Variants in TESPA1 observed in about 807,000 individuals in gnomAD.
TESPA1 encodes protein TESPA1.
A neutral mutation model predicts 57.9 loss-of-function variants in TESPA1; 33 were observed. The ratio of observed to expected loss-of-function variants is 0.57; its 90% confidence interval spans 0.43 to 0.76. The LOEUF (loss-of-function observed/expected upper bound fraction) is 0.76. TESPA1 is among the 30% of genes least tolerant of loss of function. The pLI is 0.00. For missense variants in TESPA1, 618 were observed against 632.9 expected (o/e 0.98, Z 0.25); for synonymous variants, 227 against 228.9 (o/e 0.99, Z 0.07).
At chr12:54,981,811 A>G (rs1952334461) in intron 1 of TESPA1, 2 of 152,290 alleles carry the variant, frequency 1.3e-5, no homozygotes, top group African/African-American at 4.8e-5. Flanking sequence ...CTTCCTTTAT[A>G]TCATACAGCC....
chr12:54,971,058 C>T (rs550835611), intron 3 of TESPA1, among the ~76,000 whole-genome samples: 2 of 152,272 alleles, frequency 1.3e-5, no homozygotes, highest in East Asian at 3.9e-4. Flanking sequence ...AATAGTCGGC[C>T]GCTAGATTCA....
At position 54,965,166 on chromosome 12, in the gene TESPA1, G is replaced by A. The variant is rs115486485; in HGVS notation, c.446+887C>T. Among the ~76,000 whole-genome samples the A allele has an allele frequency of 5.4e-3, 816 of 152,174 alleles. 9 individuals are homozygous for A. The highest frequency in any genetic ancestry group is 0.019 in the African/African-American group (781 of 41,512). ...GCTCCTGGGATCAAGCTATTTGTCCGCTTCATCTTTTCTTTTTTTATTTTC... is the reference window on the plus strand; with the variant it reads ...GCTCCTGGGATCAAGCTATTTGTCCACTTCATCTTTTCTTTTTTTATTTTC... On this transcript the variant is annotated intron_variant, in intron 7 of 10. Transcript: ENST00000449076.
Position 54,983,557 on chromosome 12 carries a change from C to T in TESPA1, c.-46+1028G>A, listed in dbSNP as rs545120924. On this transcript the variant is annotated intron_variant, in intron 1 of 10. Coordinates refer to ENST00000449076, the MANE Select transcript of TESPA1 (RefSeq NM_001136030.3). ...TACTGCCCTGCACCATCTAGAAAGTCTCCTTACCTCTCTACTCAGGACCAT... is the reference window on the plus strand; with the variant it reads ...TACTGCCCTGCACCATCTAGAAAGTTTCCTTACCTCTCTACTCAGGACCAT... Among the ~76,000 whole-genome samples, 89 of 152,288 alleles carry T rather than the reference C, an allele frequency of 5.8e-4. 1 individual carries two copies. The highest frequency in any genetic ancestry group is 2.1e-3 in the African/African-American group (87 of 41,578).
Position 54,948,810 on chromosome 12 carries a change from G to T in TESPA1, c.*1582C>A, listed in dbSNP as rs1361403338. On this transcript the variant is annotated 3_prime_UTR_variant, in exon 11 of 11. Coordinates refer to ENST00000449076, the MANE Select transcript of TESPA1 (RefSeq NM_001136030.3). ...TATTGTCAGATATTTCTGTTCTCTT[G>T]TGACAAGATAGCCTTAACTTTCCCC... The T allele has an allele frequency of 2.0e-5, 3 of 152,322 alleles. No individual in the cohort carries two copies. Among genetic ancestry groups the T allele is most frequent in the African/African-American group, 7.2e-5 (3 of 41,540 alleles). 9.4% of individuals were successfully genotyped at this position (152,322 alleles called of 1,614,324 possible). A position where few individuals can be genotyped will look rare whatever the true frequency, so the allele number is the denominator to read the frequency against.
chr12:54,969,135 G>T (rs1162470123), intron 3 of TESPA1, among the ~76,000 whole-genome samples: 2 of 149,438 alleles, frequency 1.3e-5, no homozygotes, highest in East Asian at 4.0e-4. Flanking sequence ...ACCAAAATCT[G>T]AATTTTAATA....
chr12:54,957,853 CA>C (rs946014713), intron 10 of TESPA1, among the ~76,000 whole-genome samples: 1 of 151,784 alleles, frequency 6.6e-6, no homozygotes, highest in East Asian at 1.9e-4. Flanking sequence ...CTTAAGGAGG[CA>C]AAAAAAGACA....
intron 1 of TESPA1, among the ~76,000 whole-genome samples, chr12:54,977,513 C>T (rs1041523277): frequency 5.3e-5 from 8 of 152,208 alleles, no homozygotes; most frequent in Admixed American, 3.9e-4. Context: ...TCCCTATTTA[C>T]TCCCTGTCTC....
Position 54,949,675 on chromosome 12 carries a change from A to AT in TESPA1, c.*716dup, listed in dbSNP as rs533781788. On this transcript the variant is annotated 3_prime_UTR_variant, in exon 11 of 11. Transcript: ENST00000449076. ...ATTGTTTTCTGCCAACAGAAATAGC[A>AT]TTTTTTCCCCCCACAATGGCTAGGA... 7 of 152,430 alleles carry AT rather than the reference A, an allele frequency of 4.6e-5. No homozygotes were observed. The highest frequency in any genetic ancestry group is 8.8e-5 in the Non-Finnish European group (6 of 68,006). The allele number at this position is 152,430 out of a possible 1,614,324, so 9.4% of individuals were successfully genotyped here.
intron 10 of TESPA1, among the ~76,000 whole-genome samples, chr12:54,959,769 T>C (rs943503148): frequency 6.6e-6 from 1 of 152,242 alleles, no homozygotes; most frequent in African/African-American, 2.4e-5. Context: ...TTCAGGTTTT[T>C]ACTTGTTGTT....
chr12:54,967,319 A>G, intron 4 of TESPA1, 83 bp from the exon 5 acceptor site: 5 of 1,454,690 alleles, frequency 3.4e-6, no homozygotes, highest in Non-Finnish European at 4.7e-6. Context: ...ATACACGAAC[A>G]TCTTCACATG....
At chr12:54,956,101 T>A (rs1434083292) in intron 10 of TESPA1, among the ~76,000 whole-genome samples, 1 of 152,232 alleles carries the variant, frequency 6.6e-6, no homozygotes, top group African/African-American at 2.4e-5. Context: ...GGTAATATTA[T>A]CACATAGGAC....
Position 54,950,086 on chromosome 12 carries a change from C to T in TESPA1, c.*306G>A, listed in dbSNP as rs1158757580. ...AAGGCTTTGTTCAGTTTACTATCAT[C>T]CACATTATATATTTTAATACACACA... On this transcript the variant is annotated 3_prime_UTR_variant, in exon 11 of 11. Transcript: ENST00000449076. 2 of 283,282 alleles carry T rather than the reference C, an allele frequency of 7.1e-6. No individual in the cohort carries two copies. Among genetic ancestry groups the T allele is most frequent in the Admixed American group, 4.5e-5 (1 of 22,154 alleles). 17.5% of individuals were successfully genotyped at this position (283,282 alleles called of 1,614,324 possible).
intron 10 of TESPA1, 139 bp from the exon 11 acceptor site, chr12:54,950,529 C>T (rs887421510): frequency 5.8e-6 from 2 of 346,126 alleles, no homozygotes; most frequent in South Asian, 2.2e-5. Context: ...TTAGCAGCAG[C>T]AGCAAAGAGT....
chr12:54,951,421 C>A (rs777478130), intron 10 of TESPA1, among the ~76,000 whole-genome samples: 1 of 152,192 alleles, frequency 6.6e-6, no homozygotes, highest in Non-Finnish European at 1.5e-5. Context: ...TAGGTCCTTA[C>A]AGCAATGTGA....
At chr12:54,950,832 T>C (rs1246191944) in intron 10 of TESPA1, among the ~76,000 whole-genome samples, 1 of 152,178 alleles carries the variant, frequency 6.6e-6, no homozygotes, top group Non-Finnish European at 1.5e-5. Context: ...CTTTCCTGAC[T>C]CACACTTTTT....
rs1218035550 is a variant in TESPA1, at chr12:54,974,643, A to G, written c.-45-36T>C. On this transcript the variant is annotated intron_variant, in intron 1 of 10. Coordinates refer to ENST00000449076, the MANE Select transcript of TESPA1 (RefSeq NM_001136030.3). ...AAAAACAGTGATACTCCCTCATCAT[A>G]TGCTCAGAAACCATCATGATGCTCA... The G allele has an allele frequency of 3.2e-5, 44 of 1,371,660 alleles. 1 individual carries two copies. The East Asian group carries it at 1.1e-3, about 35-fold the overall frequency. The allele number at this position is 1,371,660 out of a possible 1,614,324, so 85.0% of individuals were successfully genotyped here. A position where few individuals can be genotyped will look rare whatever the true frequency, so the allele number is the denominator to read the frequency against.
At chr12:54,975,709 A>T (rs2136197766) in intron 1 of TESPA1, among the ~76,000 whole-genome samples, 2 of 152,094 alleles carry the variant, frequency 1.3e-5, no homozygotes, top group South Asian at 4.1e-4. Flanking sequence ...AATAAAATAA[A>T]ATAAAATAAG....
intron 7 of TESPA1, 73 bp downstream of exon 7, chr12:54,965,980 A>G (rs955231695): frequency 5.0e-5 from 71 of 1,425,498 alleles, no homozygotes; most frequent in Non-Finnish European, 6.4e-5. Flanking sequence ...AAAACAGGCA[A>G]TGGCTCTTGG....
chr12:54,977,688 TGACA>T (rs1269449794), intron 1 of TESPA1, among the ~76,000 whole-genome samples: 1 of 152,244 alleles, frequency 6.6e-6, no homozygotes, highest in Non-Finnish European at 1.5e-5. Flanking sequence ...TCACTGAGAA[TGACA>T]GACATTTTCC....
Sources: allele counts gnomAD v4.1 joint callset (sites outside exome capture counted in the v4.1 genomes callset), GRCh38; gene constraint gnomAD v4.1.1; transcripts MANE v1.5; gene names NCBI Gene and HGNC (gene_info 2026-07-23, HGNC 2026-07-21).